The following OR8B3 variants were observed in gnomAD, a reference collection of about 807,000 sequenced individuals.
The protein encoded by OR8B3 is olfactory receptor 8B3.
For synonymous variants in OR8B3, 102 were observed against 135.4 expected (o/e 0.75, Z 1.71); for missense variants, 278 against 377.6 (o/e 0.74, Z 2.19).
upstream of OR8B3, among the ~76,000 whole-genome samples, chr11:124,400,394 C>T (rs2134211263): frequency 6.6e-6 from 1 of 152,246 alleles, no homozygotes; most frequent in East Asian, 1.9e-4. Context: ...TTATTATTAA[C>T]TATACTCTCC....
At chr11:124,399,470 A>G (rs1376567909), upstream of OR8B3, among the ~76,000 whole-genome samples, 2 of 152,212 alleles carry the variant, frequency 1.3e-5, no homozygotes, top group African/African-American at 4.8e-5. Flanking sequence ...CTCTAACTCA[A>G]CATGTCTTTG....
upstream of OR8B3, among the ~76,000 whole-genome samples, chr11:124,400,579 C>T (rs1482655555): frequency 6.6e-6 from 1 of 152,060 alleles, no homozygotes; most frequent in East Asian, 1.9e-4. Context: ...CACTCTGTCA[C>T]CCTGGCTGGA....
chr11:124,409,427 G>T, the OR8B3 span, among the ~76,000 whole-genome samples: 1 of 152,262 alleles, frequency 6.6e-6, no homozygotes, highest in Non-Finnish European at 1.5e-5. Flanking sequence ...CTTGTGTAGA[G>T]ATTTTAAAAG....
the OR8B3 span, chr11:124,404,435 A>T: frequency 6.6e-6 from 1 of 152,172 alleles, no homozygotes; most frequent in African/African-American, 2.4e-5. Context: ...TTTTGTAAAG[A>T]TCCATTTTCT....
In OR8B3 at chr11:124,397,226, G is replaced by T. The variant is rs1303655456; in HGVS notation, c.126C>A (p.Asn42Lys). The T allele has an allele frequency of 6.2e-6, 10 of 1,608,554 alleles. No individual in the cohort carries two copies. The highest frequency in any genetic ancestry group is 5.0e-5 in the Admixed American group (3 of 59,546). ...LVVYIVTMVGNLGLIILFGLN... is the reference protein window; with the variant it reads ...LVVYIVTMVGKLGLIILFGLN... ...GACCGAAAAGAATGATCAAGCCAAG[G>T]TTGCCTACCATGGTGACAATGTAGA... is the stretch of plus-strand genomic sequence containing the variant. The change falls in exon 2 of 2, where the codon AAC becomes AAA. Residue 42 changes from asparagine to lysine, a missense_variant. Transcript: ENST00000641139.
chr11:124,403,984 G>A (rs1000010634), upstream of OR8B3, among the ~76,000 whole-genome samples: 11 of 152,242 alleles, frequency 7.2e-5, no homozygotes, highest in African/African-American at 1.4e-4. Context: ...GTGGCGGCGC[G>A]CGCCTGCAAT....
rs758009805 is a variant in OR8B3, at chr11:124,396,867, C to T, written c.485G>A (p.Cys162Tyr). Residue 162 changes from cysteine to tyrosine, a missense_variant, in exon 2 of 2, where the codon TGC becomes TAC. Transcript: ENST00000641139. The stretch of plus-strand genomic sequence containing the variant: ...ACTGCAGAAGGTGAGTCTAAGCATG[C>T]ACCCGGTGTGGGCCGTGGCTCCAGC... Reference protein sequence around the residue: ...GLAGATAHTGCMLRLTFCSAN... With the variant: ...GLAGATAHTGYMLRLTFCSAN... 4 of 1,608,450 alleles carry T rather than the reference C, an allele frequency of 2.5e-6. No homozygotes were observed. The highest frequency in any genetic ancestry group is 1.7e-5 in the Admixed American group (1 of 59,166).
chr11:124,403,019 G>T (rs1240863121), upstream of OR8B3, among the ~76,000 whole-genome samples: 1 of 152,144 alleles, frequency 6.6e-6, no homozygotes, highest in African/African-American at 2.4e-5. Flanking sequence ...AGATTAGGGA[G>T]TGGTGATGAC....
At chr11:124,403,984 G>T (rs1000010634), upstream of OR8B3, among the ~76,000 whole-genome samples, 1 of 152,130 alleles carries the variant, frequency 6.6e-6, no homozygotes, top group Non-Finnish European at 1.5e-5. Context: ...GTGGCGGCGC[G>T]CGCCTGCAAT....
chr11:124,403,612 G>A (rs1404401871), upstream of OR8B3, among the ~76,000 whole-genome samples: 7 of 151,116 alleles, frequency 4.6e-5, no homozygotes, highest in East Asian at 2.0e-4. Flanking sequence ...GGGAAGAGGC[G>A]CTCCTCACTT....
rs1205496960 is a variant in OR8B3 at position 124,396,254 on chromosome 11, C to G, written c.*156G>C. On this transcript the variant is annotated 3_prime_UTR_variant, in exon 2 of 2. Coordinates refer to ENST00000641139, the MANE Select transcript of OR8B3 (RefSeq NM_001005467.2). Reference sequence around the variant, plus strand: ...GTGAGAAGTGCCAGAGATGCAAAACCAAAAAAAGAGACAAGATGATTTCAT... The same window carrying G: ...GTGAGAAGTGCCAGAGATGCAAAACGAAAAAAAGAGACAAGATGATTTCAT... 1 of 778,978 alleles carries G rather than the reference C, an allele frequency of 1.3e-6. No homozygotes were observed. The highest frequency in any genetic ancestry group is 2.4e-5 in the South Asian group (1 of 42,106). 48.3% of individuals were successfully genotyped at this position (778,978 alleles called of 1,614,324 possible).
upstream of OR8B3, among the ~76,000 whole-genome samples, chr11:124,403,140 T>A (rs1199745367): frequency 6.6e-6 from 1 of 152,182 alleles, no homozygotes; most frequent in Non-Finnish European, 1.5e-5. Context: ...GAGCACAGGG[T>A]TTGGGGTAAG....
upstream of OR8B3, among the ~76,000 whole-genome samples, chr11:124,400,902 T>C (rs1246437821): frequency 1.3e-5 from 2 of 152,068 alleles, no homozygotes; most frequent in South Asian, 2.1e-4. Context: ...AAGATAATAT[T>C]CCAAAAATAT....
Position 124,396,352 on chromosome 11 carries a change from G to C in OR8B3, c.*58C>G. The C allele has an allele frequency of 7.1e-7, 1 of 1,407,902 alleles. No individual in the cohort carries two copies. Among genetic ancestry groups the C allele is most frequent in the South Asian group, 1.4e-5 (1 of 69,586 alleles). 87.2% of individuals were successfully genotyped at this position (1,407,902 alleles called of 1,614,324 possible). A position where few individuals can be genotyped will look rare whatever the true frequency, so the allele number is the denominator to read the frequency against. On this transcript the variant is annotated 3_prime_UTR_variant, in exon 2 of 2. Coordinates refer to ENST00000641139, the MANE Select transcript of OR8B3 (RefSeq NM_001005467.2). ...GTAGAAACAACAAAATCTCTTCATGGAACACACTAATAAAAATTTAAAGTT... is the reference window on the plus strand; with the variant it reads ...GTAGAAACAACAAAATCTCTTCATGCAACACACTAATAAAAATTTAAAGTT...
chr11:124,401,212 T>A (rs947474486), upstream of OR8B3, among the ~76,000 whole-genome samples: 14 of 49,958 alleles, frequency 2.8e-4, no homozygotes, highest in Non-Finnish European at 5.1e-4. Flanking sequence ...ATAGGGGAAA[T>A]GCAAAGAGAC....
upstream of OR8B3, among the ~76,000 whole-genome samples, chr11:124,401,969 G>T (rs624110): frequency 0.33 from 49,831 of 152,076 alleles, 8,233 homozygotes; most frequent in African/African-American, 0.4. Context: ...TGTCCAGGTG[G>T]TGAAGTGCCT....
upstream of OR8B3, among the ~76,000 whole-genome samples, chr11:124,399,888 T>G (rs996917229): frequency 1.3e-5 from 2 of 149,260 alleles, no homozygotes; most frequent in Admixed American, 6.7e-5. Context: ...GAATTCTCTT[T>G]TTTTTTTTTT....
upstream of OR8B3, among the ~76,000 whole-genome samples, chr11:124,400,074 TGGTCTTGAA>T (rs1482636271): frequency 6.6e-6 from 1 of 152,174 alleles, no homozygotes; most frequent in Non-Finnish European, 1.5e-5. Flanking sequence ...TTGCCCAGGC[TGGTCTTGAA>T]CTCCTGGGAT....
rs746738228 is a variant in OR8B3, at chr11:124,396,774, T to C, written c.578A>G (p.Tyr193Cys). The change falls in exon 2 of 2, where the codon TAT becomes TGT. Residue 193 changes from tyrosine to cysteine, a missense_variant. Physicochemically the swap from Tyr to Cys is radical, Grantham distance 194. Coordinates refer to ENST00000641139, the MANE Select transcript of OR8B3 (RefSeq NM_001005467.2). ...AATGAGAACAACCACCTCGTTGACA[T>C]AGGTGCTGGTGCAGGAAAGCTGGAG... ...PLLQLSCTSTYVNEVVVLIVV... is the reference protein window; with the variant it reads ...PLLQLSCTSTCVNEVVVLIVV... The C allele has an allele frequency of 7.4e-6, 12 of 1,613,656 alleles. No individual in the cohort carries two copies. The highest frequency in any genetic ancestry group is 3.3e-4 in the Middle Eastern group (2 of 6,050).
Sources: allele counts gnomAD v4.1 joint callset (sites outside exome capture counted in the v4.1 genomes callset), GRCh38; gene constraint gnomAD v4.1.1; transcripts MANE v1.5; gene names NCBI Gene and HGNC (gene_info 2026-07-23, HGNC 2026-07-21).